The following INTS4 variants were observed in gnomAD, a reference collection of about 807,000 sequenced individuals.
INTS4 encodes the protein MSTP093.
INTS4 carries 70 observed loss-of-function variants against 119.5 expected under a neutral mutation model. The ratio of observed to expected loss-of-function variants is 0.59; its 90% CI spans 0.48 to 0.71. INTS4 has a LOEUF of 0.71. INTS4 is among the 30% of genes least tolerant of loss of function. The pLI, the probability that INTS4 is intolerant of heterozygous loss-of-function variation, is 0.00. For missense variants in INTS4, 867 were observed against 1,173.2 expected (o/e 0.74, Z 3.81); for synonymous variants, 316 against 419.6 (o/e 0.75, Z 3.02).
chr11:77,907,765 T>C lies in INTS4; in HGVS notation c.1968A>G (p.Val656=). The change falls in exon 16 of 23, where the codon GTA becomes GTG. Residue 656 remains valine (V), a synonymous_variant. Transcript: ENST00000534064. ...LGELQSELAG[V]ADFSATYLRC... ...GAAGATAGGTGGCAGAGAAATCAGC[T>C]ACTCCTGCCAATTCAGATTGAAGTT... 5.6e-6 allele frequency: 9 copies of C among 1,613,972 alleles called. No individual in the cohort carries two copies. Among genetic ancestry groups the C allele is most frequent in the Non-Finnish European group, 7.6e-6 (9 of 1,179,894 alleles).
At chr11:77,920,337 C>G (rs1435027607) in intron 14 of INTS4, among the ~76,000 whole-genome samples, 1 of 148,738 alleles carries the variant, frequency 6.7e-6, no homozygotes, top group Non-Finnish European at 1.5e-5. Context: ...ACATATTACT[C>G]CAAATAAAGT....
intron 8 of INTS4, among the ~76,000 whole-genome samples, chr11:77,943,147 C>T (rs1271381955): frequency 2.0e-5 from 3 of 152,130 alleles, no homozygotes; most frequent in Admixed American, 1.3e-4. Flanking sequence ...GTTGCTTCAT[C>T]CATAATTCCC....
At chr11:77,911,731 G>A (rs899350375) in intron 15 of INTS4, among the ~76,000 whole-genome samples, 4 of 152,206 alleles carry the variant, frequency 2.6e-5, no homozygotes, top group Admixed American at 6.5e-5. Context: ...ACATCCATCA[G>A]GAGACTATGG....
chr11:77,966,755 C>T (rs989254332), intron 4 of INTS4, among the ~76,000 whole-genome samples: 1 of 152,048 alleles, frequency 6.6e-6, no homozygotes, highest in Non-Finnish European at 1.5e-5. Context: ...AATTGTTTTG[C>T]TATTAAGTCT....
chr11:77,879,797 C>G (rs1387282960), intron 22 of INTS4, among the ~76,000 whole-genome samples: 1 of 152,164 alleles, frequency 6.6e-6, no homozygotes, highest in Non-Finnish European at 1.5e-5. Context: ...GTACAACACA[C>G]GCTCTAACCA....
intron 16 of INTS4, among the ~76,000 whole-genome samples, chr11:77,905,349 T>G (rs1952914113): frequency 1.3e-5 from 2 of 151,416 alleles, no homozygotes; most frequent in South Asian, 4.2e-4. Flanking sequence ...CCCAGCTACT[T>G]GGGAGACTGA....
rs369228479 is a variant in INTS4, at chr11:77,897,493, G to GTTA, written c.2229-3147_2229-3145dup. Among the ~76,000 whole-genome samples the GTTA allele has an allele frequency of 4.0e-5, 6 of 150,860 alleles. No individual in the cohort carries two copies. The South Asian group carries it at 8.3e-4, about 21-fold the overall frequency. On this transcript the variant is annotated intron_variant, in intron 18 of 22. Coordinates refer to ENST00000534064, the MANE Select transcript of INTS4 (RefSeq NM_033547.4). Reference sequence around the variant, plus strand: ...ATAATCAGCTGAAACAAACCTCCAAGTTATTATTATTATTATTTTTTTTTT... The same window carrying GTTA: ...ATAATCAGCTGAAACAAACCTCCAAGTTATTATTATTATTATTATTTTTTTTTT...
At chr11:77,875,751 G>C (rs1191428511), downstream of INTS4, among the ~76,000 whole-genome samples, 1 of 152,174 alleles carries the variant, frequency 6.6e-6, no homozygotes, top group East Asian at 1.9e-4. Flanking sequence ...AAGAGACACA[G>C]ATATGTCCTA....
At chr11:77,907,672 G>A in intron 16 of INTS4, 45 bp downstream of exon 16, 1 of 1,384,452 alleles carries the variant, frequency 7.2e-7, no homozygotes, top group Non-Finnish European at 1.0e-6. Flanking sequence ...CCACAAAGAT[G>A]CATTTTTAGC....
At chr11:77,977,041 C>G (rs557211820) in intron 4 of INTS4, among the ~76,000 whole-genome samples, 7 of 151,430 alleles carry the variant, frequency 4.6e-5, no homozygotes, top group African/African-American at 1.7e-4. Flanking sequence ...CTAACCTGCA[C>G]GTTGTGCACA....
At chr11:77,944,544 G>A (rs1470491207) in intron 8 of INTS4, among the ~76,000 whole-genome samples, 3 of 152,170 alleles carry the variant, frequency 2.0e-5, no homozygotes, top group Non-Finnish European at 2.9e-5. Flanking sequence ...ACCAGTACCA[G>A]GTATTATTAT....
chr11:77,905,089 T>G (rs538550186), intron 16 of INTS4, among the ~76,000 whole-genome samples: 1 of 152,260 alleles, frequency 6.6e-6, no homozygotes, highest in Admixed American at 6.5e-5. Context: ...CTGAGTGTAC[T>G]AAGTGGAGAC....
At chr11:77,946,649 T>G (rs375014857) in intron 8 of INTS4, among the ~76,000 whole-genome samples, 1 of 151,734 alleles carries the variant, frequency 6.6e-6, no homozygotes, top group African/African-American at 2.4e-5. Flanking sequence ...TAGTCCTAGC[T>G]ACTCAGCAGG....
downstream of INTS4, among the ~76,000 whole-genome samples, chr11:77,874,914 G>C (rs1170893309): frequency 6.6e-6 from 1 of 152,112 alleles, no homozygotes. Flanking sequence ...GCACGTGCCT[G>C]TAATCCCAGC....
At chr11:77,976,481 G>A (rs1032556578) in intron 4 of INTS4, among the ~76,000 whole-genome samples, 2 of 152,124 alleles carry the variant, frequency 1.3e-5, no homozygotes, top group South Asian at 2.1e-4. Flanking sequence ...CCAGGAGTTC[G>A]AGACCAGCCT....
At chr11:77,967,210 ACAT>A (rs1855543492) in intron 4 of INTS4, among the ~76,000 whole-genome samples, 1 of 152,196 alleles carries the variant, frequency 6.6e-6, no homozygotes, top group African/African-American at 2.4e-5. Flanking sequence ...GAAATGCAAT[ACAT>A]TATAACTGCA....
chr11:77,973,225 A>G (rs1855802151), intron 4 of INTS4, among the ~76,000 whole-genome samples: 1 of 152,206 alleles, frequency 6.6e-6, no homozygotes, highest in Admixed American at 6.5e-5. Flanking sequence ...AGTGTATATA[A>G]ATACAATTTA....
Position 77,912,608 on chromosome 11 carries a change from T to A in INTS4, c.1923-4798A>T, listed in dbSNP as rs182308883. ...GGATGTGCAAATCAAATGTAGTTTA[T>A]TTTTTTCAATCTCTTAGAATCTCTA... On this transcript the variant is annotated intron_variant, in intron 15 of 22. Transcript: ENST00000534064. Among the ~76,000 whole-genome samples, 356 of 152,344 alleles carry A rather than the reference T, an allele frequency of 2.3e-3. 3 individuals are homozygous for A. The highest frequency in any genetic ancestry group is 3.9e-3 in the Non-Finnish European group (262 of 68,034).
chr11:77,982,434 A>C (rs1396162556), intron 2 of INTS4, among the ~76,000 whole-genome samples: 1 of 152,232 alleles, frequency 6.6e-6, no homozygotes, highest in African/African-American at 2.4e-5. Context: ...CACCACGCTC[A>C]GCCCTACCTG....
Sources: gnomAD v4.1 joint callset for allele counts (sites outside exome capture counted in the v4.1 genomes callset) on GRCh38, gnomAD v4.1.1 for gene constraint, MANE v1.5 for transcripts, NCBI Gene and HGNC (gene_info 2026-07-23, HGNC 2026-07-21) for gene names.